COLGALT2: variants seen among roughly 807,000 people sequenced by gnomAD.
COLGALT2 encodes procollagen galactosyltransferase 2.
COLGALT2 carries 49 observed loss-of-function variants against 73.4 expected under a neutral mutation model. The observed-to-expected ratio is 0.67, with a 90% CI of 0.53 to 0.85. COLGALT2 has a LOEUF of 0.85. Ranked by LOEUF, COLGALT2 falls within the 40% of genes least tolerant of loss-of-function variation. COLGALT2 has a pLI of 0.00. For synonymous variants in COLGALT2, 295 were observed against 307.6 expected (o/e 0.96, Z 0.43); for missense variants, 722 against 790.2 (o/e 0.91, Z 1.03).
intron 6 of COLGALT2, among the ~76,000 whole-genome samples, chr1:183,957,785 T>G (rs1670593949): frequency 6.6e-6 from 1 of 150,542 alleles, no homozygotes; most frequent in Non-Finnish European, 1.5e-5. Context: ...GTGGTTTTTT[T>G]TTTTTTTTTT....
At chr1:184,021,389 G>T (rs1649177881) in intron 1 of COLGALT2, among the ~76,000 whole-genome samples, 1 of 152,180 alleles carries the variant, frequency 6.6e-6, no homozygotes, top group African/African-American at 2.4e-5. Context: ...CATTCAAGAG[G>T]TAAGTGGGAC....
At chr1:183,969,199 G>C (rs920063688) in intron 5 of COLGALT2, 70 bp downstream of exon 5, 2 of 1,251,342 alleles carry the variant, frequency 1.6e-6, no homozygotes, top group Non-Finnish European at 2.2e-6. Flanking sequence ...TTAATAAAAT[G>C]CACAAAACAA....
intron 1 of COLGALT2, among the ~76,000 whole-genome samples, chr1:183,991,281 A>G (rs1411342819): frequency 6.6e-6 from 1 of 152,242 alleles, no homozygotes; most frequent in African/African-American, 2.4e-5. Context: ...TTAAGGGTCT[A>G]TTACTTAATG....
intron 1 of COLGALT2, among the ~76,000 whole-genome samples, chr1:183,986,208 A>G (rs1401294109): frequency 6.6e-6 from 1 of 152,162 alleles, no homozygotes; most frequent in African/African-American, 2.4e-5. Context: ...CTAGATATGG[A>G]TATGGTTAAA....
Position 184,001,802 on chromosome 1 carries a change from T to C in COLGALT2, c.264-23282A>G, listed in dbSNP as rs931150041. On this transcript the variant is annotated intron_variant, in intron 1 of 11. Transcript: ENST00000361927. ...AATCACATAGAAATATAACATCCCA[T>C]GAAATGCCCTGCTTCCTGCTTCTTA... Among the ~76,000 whole-genome samples, 67 of 152,320 alleles carry C rather than the reference T, an allele frequency of 4.4e-4. 1 individual carries two copies. The highest frequency in any genetic ancestry group is 5.9e-5 in the Non-Finnish European group (4 of 68,026).
chr1:184,027,658 T>A (rs535577280), intron 1 of COLGALT2, among the ~76,000 whole-genome samples: 6 of 152,362 alleles, frequency 3.9e-5, no homozygotes, highest in African/African-American at 1.4e-4. Flanking sequence ...TACCTGGATT[T>A]ATCCACATAG....
chr1:183,944,775 C>T (rs1469129338), intron 9 of COLGALT2, among the ~76,000 whole-genome samples: 2 of 152,132 alleles, frequency 1.3e-5, no homozygotes, highest in Admixed American at 1.3e-4. Context: ...TGAAATTTCC[C>T]TGAGCTGTAT....
At chr1:184,028,331 C>T (rs1649392411) in intron 1 of COLGALT2, among the ~76,000 whole-genome samples, 2 of 152,154 alleles carry the variant, frequency 1.3e-5, no homozygotes, top group African/African-American at 4.8e-5. Flanking sequence ...TCAGGGAGAA[C>T]ACCAATCAAT....
intron 1 of COLGALT2, among the ~76,000 whole-genome samples, chr1:183,991,471 T>C (rs1227941956): frequency 1.3e-5 from 2 of 152,192 alleles, no homozygotes; most frequent in Non-Finnish European, 2.9e-5. Context: ...AAAGCTGTTT[T>C]CCCACAGAGT....
chr1:184,020,688 C>A (rs1002738251), intron 1 of COLGALT2, among the ~76,000 whole-genome samples: 6 of 152,168 alleles, frequency 3.9e-5, no homozygotes, highest in African/African-American at 1.4e-4. Flanking sequence ...CTTTTGAAAT[C>A]ATCTTTTTTG....
At chr1:183,995,063 G>T (rs1671735365) in intron 1 of COLGALT2, among the ~76,000 whole-genome samples, 1 of 151,760 alleles carries the variant, frequency 6.6e-6, no homozygotes, top group Non-Finnish European at 1.5e-5. Context: ...TAAAGACTAA[G>T]AAATCACCTA....
chr1:183,964,870 T>C (rs1176382665), intron 5 of COLGALT2, among the ~76,000 whole-genome samples: 2 of 152,182 alleles, frequency 1.3e-5, no homozygotes, highest in African/African-American at 4.8e-5. Flanking sequence ...GAGTCCGCCA[T>C]GTATCCAAGC....
chr1:183,942,867 C>T (rs753424827), intron 10 of COLGALT2, among the ~76,000 whole-genome samples: 17 of 152,232 alleles, frequency 1.1e-4, no homozygotes, highest in Non-Finnish European at 1.8e-4. Flanking sequence ...ACCCACCGAA[C>T]TACATGTGAA....
At chr1:183,995,396 A>G (rs1222007729) in intron 1 of COLGALT2, among the ~76,000 whole-genome samples, 3 of 152,256 alleles carry the variant, frequency 2.0e-5, no homozygotes, top group African/African-American at 7.2e-5. Context: ...AAAAATCTTA[A>G]AACCTTAGCA....
At chr1:183,954,341 AT>A (rs1670495257) in intron 7 of COLGALT2, among the ~76,000 whole-genome samples, 1 of 152,192 alleles carries the variant, frequency 6.6e-6, no homozygotes, top group South Asian at 2.1e-4. Context: ...AATAGTAGAA[AT>A]AAAAGAAAGC....
chr1:183,955,999 C>T (rs1242939512), intron 6 of COLGALT2, among the ~76,000 whole-genome samples: 1 of 152,158 alleles, frequency 6.6e-6, no homozygotes, highest in Admixed American at 6.5e-5. Flanking sequence ...CTCATAGCGG[C>T]ATGTGTGGAT....
chr1:184,013,433 C>T (rs545848480), intron 1 of COLGALT2, among the ~76,000 whole-genome samples: 10 of 152,218 alleles, frequency 6.6e-5, no homozygotes, highest in Admixed American at 5.9e-4. Flanking sequence ...CTGTTACAAA[C>T]CTTAAAAAAT....
At chr1:183,958,906 T>C (rs1670623059) in intron 6 of COLGALT2, among the ~76,000 whole-genome samples, 2 of 151,910 alleles carry the variant, frequency 1.3e-5, no homozygotes, top group Non-Finnish European at 2.9e-5. Flanking sequence ...ACCTTTCCCT[T>C]GACCTCTTAC....
intron 1 of COLGALT2, among the ~76,000 whole-genome samples, chr1:183,984,448 G>C (rs1671434435): frequency 6.6e-6 from 1 of 152,168 alleles, no homozygotes; most frequent in Admixed American, 6.5e-5. Context: ...GGAGAGCTCA[G>C]CTCTTGAGCT....
Sources: allele counts gnomAD v4.1 joint callset (sites outside exome capture counted in the v4.1 genomes callset), GRCh38; gene constraint gnomAD v4.1.1; transcripts MANE v1.5; gene names NCBI Gene and HGNC (gene_info 2026-07-23, HGNC 2026-07-21).